PCGF3: variants seen among roughly 807,000 people sequenced by gnomAD.
PCGF3 encodes the protein polycomb group ring finger 3.
A neutral mutation model predicts 33.1 loss-of-function variants in PCGF3; 7 were observed. The observed-to-expected ratio is 0.21, with a 90% confidence interval of 0.12 to 0.40. The LOEUF (loss-of-function observed/expected upper bound fraction) is 0.40, where lower values mean the gene tolerates loss of function less well. Among genes scored for constraint, PCGF3 ranks in the 10% least tolerant of loss-of-function variants. The pLI, the probability that PCGF3 is intolerant of heterozygous loss-of-function variation, is 1.00. For synonymous variants in PCGF3, 153 were observed against 121.3 expected, an observed-to-expected ratio of 1.26 and a Z score of -1.72; for missense variants, 211 against 313.3, an observed-to-expected ratio of 0.67 and a Z score of 2.46.
intron 1 of PCGF3, among the ~76,000 whole-genome samples, chr4:726,816 G>C (rs181223881): frequency 2.0e-4 from 30 of 151,870 alleles, no homozygotes; most frequent in African/African-American, 7.2e-4. Context: ...CAGTTTTATT[G>C]TGCAGTTTGG....
At chr4:718,522 C>T (rs892577131) in intron 1 of PCGF3, among the ~76,000 whole-genome samples, 1 of 152,220 alleles carries the variant, frequency 6.6e-6, no homozygotes, top group Non-Finnish European at 1.5e-5. Context: ...GCCTGTAATC[C>T]CAGCTACTGA....
intron 1 of PCGF3, among the ~76,000 whole-genome samples, chr4:727,456 G>A (rs180709863): frequency 1.3e-5 from 2 of 152,010 alleles, no homozygotes; most frequent in Admixed American, 1.3e-4. Context: ...TAGCCAGGAT[G>A]GTCTCCATCT....
intron 1 of PCGF3, among the ~76,000 whole-genome samples, chr4:718,189 C>G (rs1363315338): frequency 6.6e-6 from 1 of 152,118 alleles, no homozygotes; most frequent in Non-Finnish European, 1.5e-5. Flanking sequence ...CGTCAGACGT[C>G]TGGATGGGAG....
intron 8 of PCGF3, among the ~76,000 whole-genome samples, chr4:759,953 C>G (rs917035511): frequency 6.6e-6 from 1 of 151,832 alleles, no homozygotes; most frequent in Non-Finnish European, 1.5e-5. Context: ...TTTCTCCCCA[C>G]GGCCTCTCTC....
intron 9 of PCGF3, among the ~76,000 whole-genome samples, chr4:764,046 T>C (rs919006750): frequency 6.6e-6 from 1 of 151,258 alleles, no homozygotes; most frequent in East Asian, 1.9e-4. Flanking sequence ...TTGAGGAGGG[T>C]AGTAGGAGTG....
intron 1 of PCGF3, among the ~76,000 whole-genome samples, chr4:711,496 G>A (rs1742565276): frequency 7.3e-6 from 1 of 137,174 alleles, no homozygotes; most frequent in Non-Finnish European, 1.6e-5. Context: ...TGTCGCCCAG[G>A]CCGGACTGCG....
chr4:731,260 T>A, intron 3 of PCGF3, 150 bp downstream of exon 3: 1 of 398,334 alleles, frequency 2.5e-6, no homozygotes, highest in Non-Finnish European at 4.4e-6. Flanking sequence ...TCCTGGCCCC[T>A]CCTGTGAGAG....
At chr4:740,822 C>A (rs1431480433) in intron 6 of PCGF3, among the ~76,000 whole-genome samples, 1 of 152,166 alleles carries the variant, frequency 6.6e-6, no homozygotes, top group Non-Finnish European at 1.5e-5. Context: ...CGCCTTCACC[C>A]GTAAGCCCGT....
chr4:728,195 T>C (rs1422439702), intron 1 of PCGF3, among the ~76,000 whole-genome samples: 1 of 152,184 alleles, frequency 6.6e-6, no homozygotes, highest in Non-Finnish European at 1.5e-5. Context: ...AATCCATGGG[T>C]CCAGTCAACA....
At chr4:706,182 G>A (rs927734303) in intron 1 of PCGF3, among the ~76,000 whole-genome samples, 1 of 151,974 alleles carries the variant, frequency 6.6e-6, no homozygotes, top group Admixed American at 6.6e-5. Flanking sequence ...GCCCAGGCAG[G>A]ACTCCGGGAG....
chr4:733,995 G>C, intron 4 of PCGF3: 1 of 1,551,150 alleles, frequency 6.4e-7, no homozygotes. Context: ...GAGCAGATGA[G>C]GCCTCGCTTA....
intron 1 of PCGF3, among the ~76,000 whole-genome samples, chr4:729,955 C>A (rs564879416): frequency 9.9e-5 from 15 of 152,148 alleles, no homozygotes; most frequent in Admixed American, 7.9e-4. Flanking sequence ...GCACTCCCAG[C>A]ATGGCAGCCA....
chr4:727,036 C>T (rs1461559181), intron 1 of PCGF3, among the ~76,000 whole-genome samples: 2 of 152,190 alleles, frequency 1.3e-5, no homozygotes, highest in Non-Finnish European at 2.9e-5. Context: ...CCCCTCTCCC[C>T]TGTGGGATCG....
chr4:718,961 T>A (rs1213569382), intron 1 of PCGF3, among the ~76,000 whole-genome samples: 1 of 152,234 alleles, frequency 6.6e-6, no homozygotes, highest in Admixed American at 6.5e-5. Context: ...TTTTTTCTTT[T>A]TTTAATTTTT....
At chr4:734,845 A>C (rs1178628321) in intron 4 of PCGF3, 86 bp from the exon 5 acceptor site, 7 of 1,522,382 alleles carry the variant, frequency 4.6e-6, no homozygotes, top group Non-Finnish European at 5.3e-6. Context: ...ACGAGCTCAG[A>C]GACGCCCGTG....
chr4:756,314 G>A (rs1369287406), intron 8 of PCGF3, among the ~76,000 whole-genome samples: 4 of 151,714 alleles, frequency 2.6e-5, no homozygotes, highest in Non-Finnish European at 4.4e-5. Context: ...CCTGGTTGAA[G>A]TGAGTCTCCC....
At chr4:761,093 A>T (rs1192951721) in intron 8 of PCGF3, among the ~76,000 whole-genome samples, 186 bp from the exon 9 acceptor site, 2 of 152,274 alleles carry the variant, frequency 1.3e-5, no homozygotes, top group African/African-American at 2.4e-5. Flanking sequence ...CAAGCAGACG[A>T]TAAACAGGTT....
At chr4:738,325 C>A (rs1441316986) in intron 6 of PCGF3, among the ~76,000 whole-genome samples, 2 of 152,264 alleles carry the variant, frequency 1.3e-5, no homozygotes, top group Non-Finnish European at 2.9e-5. Flanking sequence ...TCCCTACTCA[C>A]AGAGTTCATT....
chr4:758,540 C>G (rs1744888505), intron 8 of PCGF3, among the ~76,000 whole-genome samples: 1 of 138,750 alleles, frequency 7.2e-6, no homozygotes, highest in African/African-American at 2.7e-5. Flanking sequence ...GGCCCCTCTC[C>G]CGAGTTCTCC....
Sources: gnomAD v4.1 joint callset for allele counts (sites outside exome capture counted in the v4.1 genomes callset) on GRCh38, gnomAD v4.1.1 for gene constraint, MANE v1.5 for transcripts, NCBI Gene and HGNC (gene_info 2026-07-23, HGNC 2026-07-21) for gene names.